WWOX: variants seen among roughly 807,000 people sequenced by gnomAD.
The protein encoded by WWOX is WW domain containing oxidoreductase.
In WWOX, 69 loss-of-function variants were observed where a neutral mutation model predicts 46.2. That is an observed-to-expected ratio of 1.49 (90% CI 1.23 to 1.82). The LOEUF is 1.82. WWOX is among the 40% of genes most tolerant of loss of function. The pLI is 0.00. For missense variants in WWOX, 919 were observed against 542.6 expected, an observed-to-expected ratio of 1.69 and a Z score of -6.89; for synonymous variants, 359 against 202.6, an observed-to-expected ratio of 1.77 and a Z score of -6.56.
intron 8 of WWOX, among the ~76,000 whole-genome samples, chr16:78,892,529 C>T (rs570623158): frequency 5.1e-4 from 77 of 152,338 alleles, no homozygotes; most frequent in African/African-American, 1.8e-3. Context: ...GAAGTGGGAG[C>T]TGGACGACAA....
At chr16:78,404,730 T>A (rs1341628225) in intron 6 of WWOX, among the ~76,000 whole-genome samples, 1 of 152,116 alleles carries the variant, frequency 6.6e-6, no homozygotes, top group Non-Finnish European at 1.5e-5. Flanking sequence ...AGGTCATGAG[T>A]GTGGTTGAAG....
intron 5 of WWOX, among the ~76,000 whole-genome samples, chr16:78,261,788 C>CTATATATATATATATATATA (rs71384369): frequency 2.7e-5 from 2 of 73,696 alleles, no homozygotes; most frequent in East Asian, 4.3e-4. Flanking sequence ...ATCTATCTAT[C>CTATATATATATATATATATA]TATATATATA....
chr16:78,957,297 G>A (rs990496370), intron 8 of WWOX, among the ~76,000 whole-genome samples: 1 of 152,214 alleles, frequency 6.6e-6, no homozygotes, highest in African/African-American at 2.4e-5. Context: ...ATAATTATCT[G>A]AGAAAACTTA....
At chr16:79,093,996 G>T (rs1171659774) in intron 8 of WWOX, among the ~76,000 whole-genome samples, 1 of 152,152 alleles carries the variant, frequency 6.6e-6, no homozygotes, top group East Asian at 1.9e-4. Flanking sequence ...GCTAGGGAAT[G>T]AACGAATACA....
intron 8 of WWOX, among the ~76,000 whole-genome samples, chr16:78,717,121 C>T (rs540036112): frequency 6.6e-6 from 1 of 152,210 alleles, no homozygotes; most frequent in African/African-American, 2.4e-5. Flanking sequence ...TGGCTGTAAG[C>T]TCCCTGAGAA....
chr16:79,034,190 T>C (rs190415285), intron 8 of WWOX, among the ~76,000 whole-genome samples: 10 of 152,280 alleles, frequency 6.6e-5, no homozygotes, highest in Admixed American at 2.0e-4. Context: ...CATGCTACAC[T>C]GAAGGGATAT....
chr16:78,339,956 ATTTATC>A (rs1207308406), intron 5 of WWOX, among the ~76,000 whole-genome samples: 1 of 64,102 alleles, frequency 1.6e-5, no homozygotes, highest in African/African-American at 5.6e-5. Context: ...TTTATCCTCT[ATTTATC>A]TTTGTCTTTG....
At chr16:78,376,717 C>T (rs191496391) in intron 5 of WWOX, among the ~76,000 whole-genome samples, 45 of 152,270 alleles carry the variant, frequency 3.0e-4, no homozygotes, top group African/African-American at 1.1e-3. Context: ...CAAGTTGCAA[C>T]AAGCAGAAAT....
At chr16:78,373,586 G>C (rs2081746899) in intron 5 of WWOX, among the ~76,000 whole-genome samples, 1 of 151,964 alleles carries the variant, frequency 6.6e-6, no homozygotes, top group Non-Finnish European at 1.5e-5. Context: ...TATTCTGAGG[G>C]ACAGCTAGTT....
At chr16:78,321,338 GTA>G (rs199807849) in intron 5 of WWOX, among the ~76,000 whole-genome samples, 17 of 51,434 alleles carry the variant, frequency 3.3e-4, no homozygotes, top group Admixed American at 2.3e-4. Context: ...GTATATATGC[GTA>G]TATATATACG....
intron 4 of WWOX, among the ~76,000 whole-genome samples, chr16:78,154,708 C>T (rs968742702): frequency 3.9e-5 from 6 of 151,942 alleles, no homozygotes; most frequent in African/African-American, 7.3e-5. Context: ...AGTGCTACTG[C>T]GGGGTTTTCC....
intron 6 of WWOX, among the ~76,000 whole-genome samples, chr16:78,389,272 C>T (rs748014709): frequency 4.0e-4 from 61 of 152,326 alleles, no homozygotes; most frequent in Non-Finnish European, 6.9e-4. Context: ...TGATTTGCTT[C>T]GTCATTCATT....
At chr16:78,205,829 C>G (rs1447790828) in intron 5 of WWOX, among the ~76,000 whole-genome samples, 2 of 151,314 alleles carry the variant, frequency 1.3e-5, no homozygotes, top group African/African-American at 4.9e-5. Context: ...TCCTTCCTAC[C>G]TTCCTTCCTT....
chr16:79,042,068 C>G (rs920123203), intron 8 of WWOX, among the ~76,000 whole-genome samples: 6 of 152,162 alleles, frequency 3.9e-5, no homozygotes, highest in Non-Finnish European at 5.9e-5. Context: ...GATTAACTCT[C>G]TAGCTACCAT....
At chr16:78,337,409 C>A (rs965672423) in intron 5 of WWOX, among the ~76,000 whole-genome samples, 9 of 152,264 alleles carry the variant, frequency 5.9e-5, no homozygotes, top group Admixed American at 1.3e-4. Context: ...CCTGGTCCTG[C>A]CCCTGGTATG....
At chr16:78,620,922 C>T (rs2548876) in intron 8 of WWOX, among the ~76,000 whole-genome samples, 115,767 of 152,078 alleles carry the variant, frequency 0.76, 44,370 homozygotes, top group Middle Eastern at 0.83. Flanking sequence ...GAGCAATTCA[C>T]TTACCCAGAT....
intron 8 of WWOX, among the ~76,000 whole-genome samples, chr16:78,726,960 T>G (rs2048850131): frequency 6.6e-6 from 1 of 152,184 alleles, no homozygotes; most frequent in Non-Finnish European, 1.5e-5. Flanking sequence ...AGCTTTTGTG[T>G]TTTTGGTCAT....
chr16:79,087,477 A>G (rs1268146773), intron 8 of WWOX, among the ~76,000 whole-genome samples: 1 of 152,218 alleles, frequency 6.6e-6, no homozygotes. Context: ...AAGGCTTGGA[A>G]TAACTTGTCT....
intron 8 of WWOX, among the ~76,000 whole-genome samples, chr16:79,207,919 T>G (rs868177514): frequency 9.9e-5 from 15 of 152,194 alleles, no homozygotes; most frequent in Admixed American, 5.2e-4. Flanking sequence ...TGAATGTTGA[T>G]GAAAAGCAGC....
Sources: gnomAD v4.1 joint callset for allele counts (sites outside exome capture counted in the v4.1 genomes callset) on GRCh38, gnomAD v4.1.1 for gene constraint, MANE v1.5 for transcripts, NCBI Gene and HGNC (gene_info 2026-07-23, HGNC 2026-07-21) for gene names.